The following FRMPD4 variants were observed in gnomAD, a reference collection of about 807,000 sequenced individuals.
The protein encoded by FRMPD4 is FERM and PDZ domain containing 4.
FRMPD4 carries 22 observed loss-of-function variants against 94.1 expected under a neutral mutation model. The observed-to-expected ratio is 0.23, with a 90% CI of 0.17 to 0.33. The LOEUF is 0.33. FRMPD4 is among the 10% of genes least tolerant of loss of function. The pLI is 1.00. For synonymous variants in FRMPD4, 631 were observed against 548.6 expected (o/e 1.15, Z -2.10); for missense variants, 1,111 against 1,339.9 (o/e 0.83, Z 2.67).
chrX:12,325,407 T>C (rs1285209429), intron 1 of FRMPD4, among the ~76,000 whole-genome samples: 2 of 112,564 alleles, frequency 1.8e-5, no homozygotes, highest in Non-Finnish European at 3.8e-5. Context: ...ATTCAAATTA[T>C]TTGGTGTTTG....
intron 1 of FRMPD4, among the ~76,000 whole-genome samples, chrX:12,374,200 TA>T (rs1276885018): frequency 8.9e-6 from 1 of 112,306 alleles, no homozygotes; most frequent in Non-Finnish European, 1.9e-5. Context: ...TGAGCATCTA[TA>T]AATCTTTATG....
intron 2 of FRMPD4, among the ~76,000 whole-genome samples, chrX:12,544,989 C>T (rs1158361553): frequency 3.6e-5 from 4 of 111,943 alleles, no homozygotes; most frequent in South Asian, 3.7e-4. Flanking sequence ...TTAAGATCTT[C>T]GAACTAGGTA....
intron 3 of FRMPD4, among the ~76,000 whole-genome samples, chrX:12,098,078 C>T: frequency 8.9e-6 from 1 of 112,194 alleles, no homozygotes; most frequent in East Asian, 2.8e-4. Context: ...TTAGCCAACA[C>T]TTGTTGTTGT....
chrX:11,989,765 C>T (rs1219866245), intron 3 of FRMPD4, among the ~76,000 whole-genome samples: 1 of 111,341 alleles, frequency 9.0e-6, no homozygotes, highest in Non-Finnish European at 1.9e-5. Flanking sequence ...TAATTATATA[C>T]ACCTATGTAC....
At chrX:12,367,242 G>A (rs748774038) in intron 1 of FRMPD4, among the ~76,000 whole-genome samples, 29 of 111,684 alleles carry the variant, frequency 2.6e-4, no homozygotes, top group African/African-American at 9.4e-4. Flanking sequence ...CCCCTCCCCT[G>A]CCTTTTTGCC....
chrX:12,175,980 G>A (rs760923289), intron 1 of FRMPD4, among the ~76,000 whole-genome samples: 45 of 112,072 alleles, frequency 4.0e-4, no homozygotes, highest in Non-Finnish European at 8.1e-4. Context: ...TGCTGGTAAT[G>A]GTTAATAGTT....
intron 3 of FRMPD4, among the ~76,000 whole-genome samples, chrX:12,090,775 T>C (rs947565800): frequency 2.7e-5 from 3 of 112,576 alleles, no homozygotes; most frequent in Non-Finnish European, 5.6e-5. Flanking sequence ...TGCAAATTTC[T>C]TTTTCTCCTC....
intron 1 of FRMPD4, among the ~76,000 whole-genome samples, chrX:12,350,727 G>T: frequency 8.9e-6 from 1 of 112,662 alleles, no homozygotes; most frequent in Admixed American, 9.3e-5. Context: ...TCTCAGAGTA[G>T]AAAAAGGTTC....
intron 3 of FRMPD4, among the ~76,000 whole-genome samples, chrX:11,996,746 T>A (rs973767547): frequency 1.8e-5 from 2 of 112,002 alleles, no homozygotes; most frequent in Non-Finnish European, 3.8e-5. Flanking sequence ...TTAGTCATTC[T>A]GCAAAGAACT....
chrX:11,888,963 A>G (rs2053860404), intron 3 of FRMPD4, among the ~76,000 whole-genome samples: 1 of 112,411 alleles, frequency 8.9e-6, no homozygotes, highest in East Asian at 2.8e-4. Context: ...GCAAAGCACA[A>G]TAAAGTGAAG....
intron 7 of FRMPD4, among the ~76,000 whole-genome samples, chrX:12,688,281 C>T (rs113253684): frequency 1.8e-5 from 2 of 111,761 alleles, no homozygotes; most frequent in African/African-American, 6.5e-5. Flanking sequence ...ACCTGAAGAC[C>T]GAGGTAAAGA....
At chrX:12,664,467 G>T (rs4614197) in intron 4 of FRMPD4, among the ~76,000 whole-genome samples, 33,788 of 111,078 alleles carry the variant, frequency 0.3, 4,429 homozygotes, top group Non-Finnish European at 0.42. Context: ...TAATCATGTG[G>T]TTTTTGTCAT....
intron 3 of FRMPD4, among the ~76,000 whole-genome samples, chrX:12,061,949 T>C (rs2054889342): frequency 8.9e-6 from 1 of 111,873 alleles, no homozygotes; most frequent in African/African-American, 3.2e-5. Context: ...TAGCAAGATG[T>C]GAAACACAAT....
intron 16 of FRMPD4, among the ~76,000 whole-genome samples, chrX:12,719,994 AGAAAGGAAAGGAAAG>A (rs771686552): frequency 4.3e-4 from 35 of 81,950 alleles, no homozygotes; most frequent in East Asian, 3.8e-3. Flanking sequence ...AAGAAAGGAA[AGAAAGGAAAGGAAAG>A]GAAAGGAAAG....
intron 9 of FRMPD4, among the ~76,000 whole-genome samples, chrX:12,701,380 TCAC>T (rs1377925600): frequency 4.5e-5 from 5 of 111,162 alleles, no homozygotes; most frequent in Non-Finnish European, 7.5e-5. Context: ...CATTTAATGG[TCAC>T]CACAACCCAG....
At chrX:12,678,837 A>G (rs1480711066) in intron 5 of FRMPD4, among the ~76,000 whole-genome samples, 2 of 111,991 alleles carry the variant, frequency 1.8e-5, no homozygotes, top group Non-Finnish European at 3.8e-5. Flanking sequence ...AAAAACAAAA[A>G]AGAGTTTCTA....
intron 2 of FRMPD4, among the ~76,000 whole-genome samples, chrX:12,523,105 G>T: frequency 9.0e-6 from 1 of 111,643 alleles, no homozygotes; most frequent in East Asian, 2.8e-4. Context: ...TAAAATTTAG[G>T]ACTGCCAAAT....
Position 12,716,547 on chromosome X carries a change from G to A in FRMPD4, c.2088G>A (p.Met696Ile). 3 of 1,210,136 alleles carry A rather than the reference G, an allele frequency of 2.5e-6. No individual in the cohort carries two copies. Among genetic ancestry groups the A allele is most frequent in the Non-Finnish European group, 3.4e-6 (3 of 894,235 alleles). ...RNLYIGSAND[M>I]KGLDLTPEAE... is the part of the protein sequence containing the mutation. ...TCTACATTGGCAGTGCCAATGACAT[G>A]AAGGGCCTGGATCTCACTCCAGAGG... The change falls in exon 15 of 17, where the codon ATG becomes ATA. Residue 696 changes from methionine to isoleucine, a missense_variant. Physicochemically the swap from Met to Ile is conservative, Grantham distance 10 (BLOSUM62 1). Transcript: ENST00000675598.
chrX:12,407,334 TTATTC>T (rs1296093043), intron 1 of FRMPD4, among the ~76,000 whole-genome samples: 1 of 111,964 alleles, frequency 8.9e-6, no homozygotes, highest in Non-Finnish European at 1.9e-5. Flanking sequence ...GTCACATACT[TTATTC>T]TATTACTAGC....
Sources: allele counts gnomAD v4.1 joint callset (sites outside exome capture counted in the v4.1 genomes callset), GRCh38; gene constraint gnomAD v4.1.1; transcripts MANE v1.5; gene names NCBI Gene and HGNC (gene_info 2026-07-23, HGNC 2026-07-21).